PDE11A: variants seen among roughly 807,000 people sequenced by gnomAD.
The protein encoded by PDE11A is phosphodiesterase 11A, also known as dual 3',5'-cyclic-AMP and -GMP phosphodiesterase 11A.
Under a neutral mutation model 100.5 loss-of-function variants are expected in PDE11A, and 100 were observed. That is an observed-to-expected ratio of 1.00 (90% CI 0.85 to 1.18). The LOEUF (loss-of-function observed/expected upper bound fraction) is 1.18. PDE11A is among the 50% of genes most tolerant of loss of function. PDE11A has a pLI of 0.00. For synonymous variants in PDE11A, 381 were observed against 420.8 expected (o/e 0.91, Z 1.16); for missense variants, 1,141 against 1,152.6 (o/e 0.99, Z 0.15).
chr2:177,706,048 T>C (rs1289273632), intron 13 of PDE11A, among the ~76,000 whole-genome samples: 1 of 152,228 alleles, frequency 6.6e-6, no homozygotes, highest in Non-Finnish European at 1.5e-5. Context: ...GTGGTATTGC[T>C]GCCCTCTCTA....
chr2:177,994,343 T>G (rs986908380), intron 2 of PDE11A, among the ~76,000 whole-genome samples: 1 of 152,162 alleles, frequency 6.6e-6, no homozygotes, highest in Admixed American at 6.5e-5. Flanking sequence ...TCCAGTTAAC[T>G]GTCTTTCTAA....
At chr2:177,964,755 A>G (rs1413397898) in intron 2 of PDE11A, among the ~76,000 whole-genome samples, 4 of 151,518 alleles carry the variant, frequency 2.6e-5, no homozygotes, top group Non-Finnish European at 4.4e-5. Context: ...TCCATGGTGT[A>G]TATCCATGTC....
At position 178,052,884 on chromosome 2, in the gene PDE11A, CA is replaced by C. The variant is rs528930787; in HGVS notation, c.912+18641del. Among the ~76,000 whole-genome samples, 10 of 151,802 alleles carry C rather than the reference CA, an allele frequency of 6.6e-5. 1 individual carries two copies. The highest frequency in any genetic ancestry group is 6.6e-4 in the Admixed American group (10 of 15,240). ...GAGGCAATAATTAAGAGCCTACCAA[CA>C]AAAAAAAGTCCAGGACCAGACGGAT... On this transcript the variant is annotated intron_variant, in intron 1 of 19. Transcript: ENST00000286063.
At chr2:177,646,913 G>T (rs1030946010) in intron 19 of PDE11A, among the ~76,000 whole-genome samples, 3 of 152,230 alleles carry the variant, frequency 2.0e-5, no homozygotes, top group Non-Finnish European at 4.4e-5. Flanking sequence ...ACAGTTTCTT[G>T]TGTTATAATG....
At chr2:177,649,461 C>A (rs1016923845) in intron 19 of PDE11A, among the ~76,000 whole-genome samples, 1 of 151,980 alleles carries the variant, frequency 6.6e-6, no homozygotes, top group Non-Finnish European at 1.5e-5. Context: ...ACATCTTCTG[C>A]ATGGAGACTG....
intron 10 of PDE11A, among the ~76,000 whole-genome samples, chr2:177,741,923 T>C (rs3770036): frequency 0.4 from 60,831 of 151,886 alleles, 14,516 homozygotes; most frequent in East Asian, 0.63. Flanking sequence ...TCCCAGCTAC[T>C]TGGGAGGCTG....
At chr2:177,665,625 G>A (rs1449248936) in intron 18 of PDE11A, among the ~76,000 whole-genome samples, 1 of 151,870 alleles carries the variant, frequency 6.6e-6, no homozygotes, top group Admixed American at 6.6e-5. Flanking sequence ...TGAAGCCAAG[G>A]AGGGAGGATC....
chr2:177,701,908 G>A (rs2081203193), intron 13 of PDE11A, among the ~76,000 whole-genome samples: 5 of 152,148 alleles, frequency 3.3e-5, no homozygotes, highest in South Asian at 2.1e-4. Flanking sequence ...AGCTTTGGAC[G>A]GTTACTTGGC....
At chr2:177,715,042 T>A (rs1432912248) in intron 12 of PDE11A, among the ~76,000 whole-genome samples, 1 of 152,222 alleles carries the variant, frequency 6.6e-6, no homozygotes, top group East Asian at 1.9e-4. Flanking sequence ...ATTTACTCCC[T>A]CATTTTACAG....
Position 177,944,776 on chromosome 2 carries a change from C to G in PDE11A, c.1072-39589G>C, listed in dbSNP as rs1170884516. On this transcript the variant is annotated intron_variant, in intron 2 of 19. Coordinates refer to ENST00000286063, the MANE Select transcript of PDE11A (RefSeq NM_016953.4). ...GCCTCCGAGGCCGAGGACTCGGTCC[C>G]AGTTTGGACAGATAGAAGATGCGAG... Among the ~76,000 whole-genome samples the G allele has an allele frequency of 2.0e-5, 3 of 148,584 alleles. 1 individual carries two copies. Among genetic ancestry groups the G allele is most frequent in the South Asian group, 4.4e-4 (2 of 4,552 alleles).
intron 1 of PDE11A, among the ~76,000 whole-genome samples, chr2:178,024,882 T>G (rs2086459649): frequency 1.3e-5 from 2 of 152,230 alleles, no homozygotes; most frequent in Admixed American, 1.3e-4. Flanking sequence ...AAGGCAAAGC[T>G]TTCGAAAATT....
intron 6 of PDE11A, among the ~76,000 whole-genome samples, chr2:177,829,694 C>T (rs936766419): frequency 3.3e-5 from 5 of 151,548 alleles, no homozygotes; most frequent in South Asian, 2.1e-4. Context: ...CCTTGTGATC[C>T]GCCTGCCTCG....
intron 9 of PDE11A, among the ~76,000 whole-genome samples, chr2:177,780,842 G>C (rs1257961837): frequency 2.6e-5 from 4 of 152,200 alleles, no homozygotes; most frequent in African/African-American, 9.6e-5. Context: ...TTAAGAGAAT[G>C]TTGTGGCTCA....
intron 1 of PDE11A, among the ~76,000 whole-genome samples, chr2:178,016,637 T>A (rs1475813463): frequency 1.6e-4 from 25 of 152,226 alleles, no homozygotes; most frequent in African/African-American, 6.0e-4. Flanking sequence ...GGACTTATTT[T>A]TATAGGGATC....
chr2:177,944,061 C>G (rs1046373337), intron 2 of PDE11A, among the ~76,000 whole-genome samples: 8 of 152,006 alleles, frequency 5.3e-5, no homozygotes, highest in Non-Finnish European at 1.2e-4. Context: ...TGCTGTCAAA[C>G]GTTCTGAAAA....
At chr2:177,656,821 G>A (rs1008033225) in intron 19 of PDE11A, among the ~76,000 whole-genome samples, 5 of 152,200 alleles carry the variant, frequency 3.3e-5, no homozygotes, top group Admixed American at 2.0e-4. Context: ...ATATGAGAGC[G>A]AGGAGGCATA....
chr2:177,655,293 C>T (rs2080364460), intron 19 of PDE11A, among the ~76,000 whole-genome samples: 1 of 151,930 alleles, frequency 6.6e-6, no homozygotes, highest in African/African-American at 2.4e-5. Context: ...AATTATAGTC[C>T]ATTTTATTTA....
At chr2:177,734,079 C>G (rs2081735419) in intron 10 of PDE11A, among the ~76,000 whole-genome samples, 1 of 152,120 alleles carries the variant, frequency 6.6e-6, no homozygotes, top group Non-Finnish European at 1.5e-5. Flanking sequence ...TTGGGTGCAC[C>G]ATGACTGGAG....
chr2:177,958,234 G>A (rs1215120945), intron 2 of PDE11A, among the ~76,000 whole-genome samples: 1 of 152,030 alleles, frequency 6.6e-6, no homozygotes, highest in Non-Finnish European at 1.5e-5. Flanking sequence ...AGTACATAAA[G>A]TATTGCAGCA....
Sources: allele counts gnomAD v4.1 joint callset (sites outside exome capture counted in the v4.1 genomes callset), GRCh38; gene constraint gnomAD v4.1.1; transcripts MANE v1.5; gene names NCBI Gene and HGNC (gene_info 2026-07-23, HGNC 2026-07-21).